The following ADGRG6 variants were observed in gnomAD, a reference collection of about 807,000 sequenced individuals.
The protein encoded by ADGRG6 is G-protein coupled receptor 126.
ADGRG6 carries 84 observed loss-of-function variants against 142.4 expected under a neutral mutation model. The ratio of observed to expected loss-of-function variants is 0.59; its 90% CI spans 0.49 to 0.71. ADGRG6 has a LOEUF of 0.71. Ranked by LOEUF, ADGRG6 falls within the 30% of genes least tolerant of loss-of-function variation. ADGRG6 has a pLI of 0.00. For synonymous variants in ADGRG6, 521 were observed against 520.5 expected (o/e 1.00, Z -0.01); for missense variants, 1,367 against 1,466.6 (o/e 0.93, Z 1.11).
At chr6:142,317,155 C>T (rs761010383) in intron 2 of ADGRG6, among the ~76,000 whole-genome samples, 1 of 152,078 alleles carries the variant, frequency 6.6e-6, no homozygotes, top group Admixed American at 6.6e-5. Context: ...ATCCTTGATG[C>T]TTTACTTGGC....
intron 20 of ADGRG6, 77 bp downstream of exon 20, chr6:142,416,141 T>C: frequency 9.1e-7 from 1 of 1,103,066 alleles, no homozygotes; most frequent in Non-Finnish European, 1.3e-6. Flanking sequence ...AAAATCTTAT[T>C]TAAAAAAAAA....
chr6:142,387,100 A>G (rs1212558596), intron 6 of ADGRG6, among the ~76,000 whole-genome samples: 1 of 152,240 alleles, frequency 6.6e-6, no homozygotes, highest in East Asian at 1.9e-4. Context: ...AAAGTCTTTA[A>G]AGCTACTTTT....
intron 2 of ADGRG6, among the ~76,000 whole-genome samples, chr6:142,324,906 C>T (rs1362484398): frequency 6.6e-6 from 1 of 151,926 alleles, no homozygotes. Context: ...GAAGTAAAGC[C>T]CATTATTAGA....
At position 142,405,673 on chromosome 6, in the gene ADGRG6, G is replaced by C. The variant is rs758661801; in HGVS notation, c.2128-15G>C. 1.3e-6 allele frequency: 2 copies of C among 1,558,732 alleles called. No homozygotes were observed. The highest frequency in any genetic ancestry group is 1.1e-5 in the South Asian group (1 of 88,586). Reference sequence around the variant, plus strand: ...TTATGATTACTTGACCAATATATCTGTGTGTGTGTGACAGATGGATTTTGA... The same window carrying C: ...TTATGATTACTTGACCAATATATCTCTGTGTGTGTGACAGATGGATTTTGA... On this transcript the variant is annotated splice_polypyrimidine_tract_variant and intron_variant, in intron 14 of 24. Transcript: ENST00000367609.
At chr6:142,427,633 T>G (rs1777012486) in intron 22 of ADGRG6, among the ~76,000 whole-genome samples, 1 of 152,146 alleles carries the variant, frequency 6.6e-6, no homozygotes, top group Non-Finnish European at 1.5e-5. Flanking sequence ...ACCAATTTAC[T>G]GTATTAGTCT....
At chr6:142,322,187 C>A (rs1479321936) in intron 2 of ADGRG6, among the ~76,000 whole-genome samples, 1 of 152,016 alleles carries the variant, frequency 6.6e-6, no homozygotes, top group East Asian at 1.9e-4. Context: ...ATCAGTGGAG[C>A]CCAGTAGTCC....
rs1406837839 is a variant in ADGRG6 at position 142,408,218 on chromosome 6, C to A, written c.2337C>A (p.Ile779=). The change falls in exon 16 of 25, where the codon ATC becomes ATA. Residue 779 remains isoleucine (I), a synonymous_variant. Coordinates refer to ENST00000367609, the MANE Select transcript of ADGRG6 (RefSeq NM_198569.3). ...CGTGCAGTATTGGAAACATTACTAT[C>A]CAGAATCTGAAGGATCCTGTTCAAA... ...VMACSIGNIT[I]QNLKDPVQIK... 7 of 1,583,358 alleles carry A rather than the reference C, an allele frequency of 4.4e-6. No homozygotes were observed. In the Admixed American group the frequency reaches 1.2e-4, roughly 28 times the overall value.
intron 2 of ADGRG6, among the ~76,000 whole-genome samples, chr6:142,339,807 T>C (rs1237133032): frequency 6.6e-6 from 1 of 152,142 alleles, no homozygotes; most frequent in Non-Finnish European, 1.5e-5. Context: ...AGATAATTGG[T>C]TTTGGATTGC....
intron 22 of ADGRG6, among the ~76,000 whole-genome samples, chr6:142,434,847 G>A (rs560951072): frequency 6.6e-6 from 1 of 152,190 alleles, no homozygotes; most frequent in Admixed American, 6.5e-5. Context: ...ATTTTACTGT[G>A]ATCAGGACCC....
chr6:142,325,446 A>G (rs941400659), intron 2 of ADGRG6, among the ~76,000 whole-genome samples: 2 of 152,290 alleles, frequency 1.3e-5, no homozygotes, highest in Admixed American at 6.5e-5. Flanking sequence ...TGTTTTAGCT[A>G]TATTATGAGT....
chr6:142,316,176 T>C (rs1408012200), intron 2 of ADGRG6, among the ~76,000 whole-genome samples: 2 of 152,164 alleles, frequency 1.3e-5, no homozygotes, highest in African/African-American at 2.4e-5. Context: ...AGAAATGATA[T>C]GCTTTATAAA....
At chr6:142,410,593 G>A (rs1215509888) in intron 17 of ADGRG6, among the ~76,000 whole-genome samples, 1 of 152,016 alleles carries the variant, frequency 6.6e-6, no homozygotes, top group Non-Finnish European at 1.5e-5. Flanking sequence ...AGGGTACTTT[G>A]CTGATGAAAA....
intron 2 of ADGRG6, among the ~76,000 whole-genome samples, chr6:142,338,182 G>A (rs1583003179): frequency 6.6e-6 from 1 of 151,142 alleles, no homozygotes; most frequent in African/African-American, 2.4e-5. Flanking sequence ...CACTACGCCC[G>A]GCTAACTTTT....
chr6:142,345,904 A>G lies in ADGRG6; in HGVS notation c.104-21665A>G, dbSNP rs1375243218. ...TGTTATACTTTAGATTTGTGTTAAC[A>G]CAAAGAATGTAAAGTTATTTTAAGG... On this transcript the variant is annotated intron_variant, in intron 2 of 24. Transcript: ENST00000367609. 2.0e-5 allele frequency among the ~76,000 whole-genome samples: 3 copies of G among 152,218 alleles called. No homozygotes were observed. The East Asian group carries it at 5.8e-4, about 29-fold the overall frequency.
chr6:142,384,819 T>G (rs2114943457), intron 6 of ADGRG6, among the ~76,000 whole-genome samples: 1 of 152,218 alleles, frequency 6.6e-6, no homozygotes, highest in African/African-American at 2.4e-5. Flanking sequence ...CTGTAGGACA[T>G]TTAAATTGGA....
Position 142,367,621 on chromosome 6 carries a change from T to A in ADGRG6, c.156T>A (p.Phe52Leu). 6.2e-7 allele frequency: 1 copy of A among 1,613,880 alleles called. No individual in the cohort carries two copies. The highest frequency in any genetic ancestry group is 8.5e-7 in the Non-Finnish European group (1 of 1,179,862). ...TTTTGTCCAACCCTTCTGGGACCTTTACTTCTCCATGCTACCCTAACGACT... is the reference window on the plus strand; with the variant it reads ...TTTTGTCCAACCCTTCTGGGACCTTAACTTCTCCATGCTACCCTAACGACT... ...RVVLSNPSGT[F>L]TSPCYPNDYP... Residue 52 changes from phenylalanine (F) to leucine (L), a missense_variant, in exon 3 of 25, where the codon TTT becomes TTA. By Grantham distance (22) the Phe-to-Leu change is conservative (BLOSUM62 0). Coordinates refer to ENST00000367609, the MANE Select transcript of ADGRG6 (RefSeq NM_198569.3).
At chr6:142,333,610 A>G (rs915346702) in intron 2 of ADGRG6, among the ~76,000 whole-genome samples, 2 of 152,160 alleles carry the variant, frequency 1.3e-5, no homozygotes, top group African/African-American at 4.8e-5. Flanking sequence ...TTGGCCACCA[A>G]AAATGCTGGG....
chr6:142,387,084 A>G (rs1782065472), intron 6 of ADGRG6, among the ~76,000 whole-genome samples: 4 of 152,242 alleles, frequency 2.6e-5, no homozygotes, highest in Admixed American at 2.6e-4. Flanking sequence ...TGCTGTGTAC[A>G]CTAAGAAAGT....
At chr6:142,308,399 A>C (rs1402662025) in intron 1 of ADGRG6, among the ~76,000 whole-genome samples, 1 of 151,986 alleles carries the variant, frequency 6.6e-6, no homozygotes, top group Non-Finnish European at 1.5e-5. Flanking sequence ...TTAAAGTTTA[A>C]AAATGCAGTC....
Sources: allele counts gnomAD v4.1 joint callset (sites outside exome capture counted in the v4.1 genomes callset), GRCh38; gene constraint gnomAD v4.1.1; transcripts MANE v1.5; gene names NCBI Gene and HGNC (gene_info 2026-07-23, HGNC 2026-07-21).